TNR: variants seen among roughly 807,000 people sequenced by gnomAD.
TNR encodes tenascin-R.
Under a neutral mutation model 150.4 loss-of-function variants are expected in TNR, and 45 were observed. That is an observed-to-expected ratio of 0.30 (90% CI 0.24 to 0.38). The LOEUF (loss-of-function observed/expected upper bound fraction) is 0.38, where lower values mean the gene tolerates loss of function less well. Among genes scored for constraint, TNR ranks in the 10% least tolerant of loss-of-function variants. The pLI is 1.00. For missense variants in TNR, 1,544 were observed against 1,759.1 expected, an observed-to-expected ratio of 0.88 and a Z score of 2.19; for synonymous variants, 687 against 678.4, an observed-to-expected ratio of 1.01 and a Z score of -0.20.
intron 1 of TNR, among the ~76,000 whole-genome samples, chr1:175,573,750 C>T (rs1476276139): frequency 1.3e-5 from 2 of 152,142 alleles, no homozygotes; most frequent in Non-Finnish European, 2.9e-5. Flanking sequence ...GGAGTTGATG[C>T]AGAAGCTGGC....
At chr1:175,607,684 C>T (rs187192606) in intron 1 of TNR, among the ~76,000 whole-genome samples, 10 of 152,274 alleles carry the variant, frequency 6.6e-5, no homozygotes, top group African/African-American at 1.9e-4. Flanking sequence ...TCAAAGTGAA[C>T]GTGAAGAACA....
intron 1 of TNR, among the ~76,000 whole-genome samples, chr1:175,531,680 A>G (rs188823485): frequency 6.6e-6 from 1 of 152,218 alleles, no homozygotes; most frequent in Non-Finnish European, 1.5e-5. Context: ...CTACTCATTT[A>G]CCTGTATGTA....
intron 15 of TNR, among the ~76,000 whole-genome samples, chr1:175,358,134 G>A (rs755839189): frequency 6.6e-6 from 1 of 152,144 alleles, no homozygotes; most frequent in Non-Finnish European, 1.5e-5. Context: ...TAAAAAATGC[G>A]GGATCATGTT....
At chr1:175,733,090 T>C (rs887202412) in intron 1 of TNR, among the ~76,000 whole-genome samples, 1 of 152,212 alleles carries the variant, frequency 6.6e-6, no homozygotes, top group Non-Finnish European at 1.5e-5. Context: ...TGGAGTGAGA[T>C]GCAAAACGTT....
At chr1:175,448,243 A>C (rs774661367) in intron 2 of TNR, among the ~76,000 whole-genome samples, 29 of 151,780 alleles carry the variant, frequency 1.9e-4, no homozygotes, top group Admixed American at 3.9e-4. Context: ...TTTGAGATGG[A>C]GTCTTGCTCT....
chr1:175,344,587 C>T (rs1215521677), intron 18 of TNR, among the ~76,000 whole-genome samples: 1 of 152,130 alleles, frequency 6.6e-6, no homozygotes, highest in Non-Finnish European at 1.5e-5. Flanking sequence ...CTATGGAAAT[C>T]AATTCAGTAA....
At chr1:175,603,967 A>C (rs1001704642) in intron 1 of TNR, among the ~76,000 whole-genome samples, 1 of 152,128 alleles carries the variant, frequency 6.6e-6, no homozygotes, top group Admixed American at 6.5e-5. Context: ...ATTTTCAAGT[A>C]AATAGATCAA....
intron 1 of TNR, among the ~76,000 whole-genome samples, chr1:175,570,281 C>T (rs1661811245): frequency 1.3e-5 from 2 of 152,144 alleles, no homozygotes; most frequent in Non-Finnish European, 2.9e-5. Flanking sequence ...GGGTCATTTG[C>T]ACAACTCTGT....
intron 1 of TNR, among the ~76,000 whole-genome samples, chr1:175,659,082 C>T (rs916405341): frequency 6.6e-5 from 10 of 152,206 alleles, no homozygotes; most frequent in Non-Finnish European, 5.9e-5. Flanking sequence ...TCCAAAGATG[C>T]CAAGCATTGC....
At chr1:175,349,213 A>G (rs111612407) in intron 18 of TNR, among the ~76,000 whole-genome samples, 2,271 of 152,336 alleles carry the variant, frequency 0.015, 67 homozygotes, top group African/African-American at 0.052. Context: ...CACATCCCCT[A>G]TGACCCAGCA....
At chr1:175,365,846 C>T in intron 11 of TNR, 29 bp downstream of exon 11, 1 of 1,602,358 alleles carries the variant, frequency 6.2e-7, no homozygotes, top group Non-Finnish European at 8.5e-7. Flanking sequence ...GATCCCTGAA[C>T]CTGGCTGGGA....
chr1:175,639,195 T>C (rs986676945), intron 1 of TNR, among the ~76,000 whole-genome samples: 1 of 152,162 alleles, frequency 6.6e-6, no homozygotes, highest in African/African-American at 2.4e-5. Flanking sequence ...ATGACACCAC[T>C]GAGGAGAGCA....
At chr1:175,444,149 G>A (rs1373376996) in intron 2 of TNR, among the ~76,000 whole-genome samples, 1 of 152,136 alleles carries the variant, frequency 6.6e-6, no homozygotes, top group East Asian at 1.9e-4. Context: ...AACCAGATAG[G>A]AAAATTAAAA....
intron 18 of TNR, among the ~76,000 whole-genome samples, chr1:175,341,482 C>A (rs1484843011): frequency 6.6e-6 from 1 of 152,162 alleles, no homozygotes; most frequent in Non-Finnish European, 1.5e-5. Flanking sequence ...ATGGCGTTCA[C>A]CAGAAGAATT....
At chr1:175,368,415 C>T (rs566771153) in intron 9 of TNR, among the ~76,000 whole-genome samples, 2 of 152,324 alleles carry the variant, frequency 1.3e-5, no homozygotes, top group South Asian at 4.1e-4. Context: ...ATCATTGCAT[C>T]TACTCTGACT....
chr1:175,542,215 G>A (rs995574945), intron 1 of TNR, among the ~76,000 whole-genome samples: 10 of 152,128 alleles, frequency 6.6e-5, no homozygotes, highest in Admixed American at 5.2e-4. Flanking sequence ...CCCGAATGCA[G>A]GCCCTCCCTC....
chr1:175,401,813 C>T (rs191821040), intron 4 of TNR, among the ~76,000 whole-genome samples: 29 of 152,214 alleles, frequency 1.9e-4, no homozygotes, highest in African/African-American at 6.7e-4. Context: ...AAAATTGCTC[C>T]ATTAGAAGGT....
At position 175,656,141 on chromosome 1, in the gene TNR, A is replaced by AGTGTGTGTGTGTGTGTGT. The variant is rs575020723; in HGVS notation, c.-165+87067_-165+87084dup. 1.4e-4 allele frequency among the ~76,000 whole-genome samples: 17 copies of AGTGTGTGTGTGTGTGTGT among 123,936 alleles called. 1 individual carries two copies. Among genetic ancestry groups the AGTGTGTGTGTGTGTGTGT allele is most frequent in the African/African-American group, 4.0e-4 (13 of 32,858 alleles). 81.3% of individuals were successfully genotyped at this position (123,936 alleles called of 152,430 possible). ...AGGGGAAGACGGGGAGGAAGGTTGAAGTGTGTGTGTGTGTGTGTGTGTGTG... is the reference window on the plus strand; with the variant it reads ...AGGGGAAGACGGGGAGGAAGGTTGAAGTGTGTGTGTGTGTGTGTGTGTGTGTGTGTGTGTGTGTGTGTG... On this transcript the variant is annotated intron_variant, in intron 1 of 22. Transcript: ENST00000367674.
chr1:175,359,139 C>T (rs115174584), intron 15 of TNR, among the ~76,000 whole-genome samples: 99 of 42,104 alleles, frequency 2.4e-3, no homozygotes, highest in Non-Finnish European at 3.2e-3. Flanking sequence ...GGGATATCTT[C>T]TTTTTTTTTT....
Sources: gnomAD v4.1 joint callset for allele counts (sites outside exome capture counted in the v4.1 genomes callset) on GRCh38, gnomAD v4.1.1 for gene constraint, MANE v1.5 for transcripts, NCBI Gene and HGNC (gene_info 2026-07-23, HGNC 2026-07-21) for gene names.